The following ABCC9 variants were observed in gnomAD, a reference collection of about 807,000 sequenced individuals.
The protein encoded by ABCC9 is ATP binding cassette subfamily C member 9, also known as ATP-binding cassette sub-family C member 9.
In ABCC9, 95 loss-of-function variants were observed where a neutral mutation model predicts 188.3. That is an observed-to-expected ratio of 0.50 (90% CI 0.43 to 0.60). ABCC9 has a LOEUF of 0.60. ABCC9 is among the 20% of genes least tolerant of loss of function. The pLI, the probability that ABCC9 is intolerant of heterozygous loss-of-function variation, is 0.00. For missense variants in ABCC9, 1,102 were observed against 1,876.3 expected, an observed-to-expected ratio of 0.59 and a Z score of 7.62; for synonymous variants, 659 against 652.7, an observed-to-expected ratio of 1.01 and a Z score of -0.15.
intron 15 of ABCC9, among the ~76,000 whole-genome samples, chr12:21,887,563 G>A (rs1946941924): frequency 6.6e-6 from 1 of 152,040 alleles, no homozygotes; most frequent in South Asian, 2.1e-4. Flanking sequence ...TATACATTTG[G>A]AGTAAGCAAA....
intron 21 of ABCC9, among the ~76,000 whole-genome samples, chr12:21,860,770 C>T (rs888542524): frequency 6.6e-6 from 1 of 152,132 alleles, no homozygotes; most frequent in Non-Finnish European, 1.5e-5. Flanking sequence ...GTTAAGTATA[C>T]AGTGATTACT....
chr12:21,844,334 T>C (rs1944525465), intron 28 of ABCC9, 149 bp downstream of exon 28: 1 of 665,682 alleles, frequency 1.5e-6, no homozygotes. Context: ...CTAGATATCA[T>C]TTGCATGTAT....
intron 2 of ABCC9, among the ~76,000 whole-genome samples, chr12:21,938,625 T>C (rs1949585570): frequency 1.3e-5 from 2 of 152,302 alleles, no homozygotes; most frequent in South Asian, 4.1e-4. Flanking sequence ...TCGCACAAAC[T>C]AGAAAATGAT....
In ABCC9 at chr12:21,894,101, AAG is replaced by A; in HGVS notation, c.1731_1732del (p.Phe578ProfsTer29). 2 of 1,614,148 alleles carry A rather than the reference AAG, an allele frequency of 1.2e-6. No homozygotes were observed. The highest frequency in any genetic ancestry group is 1.3e-5 in the African/African-American group (1 of 75,056). On this transcript the variant is annotated frameshift_variant, in exon 14 of 40. Transcript: ENST00000261200. LOFTEE classifies it high-confidence loss of function. The stretch of plus-strand genomic sequence containing the variant: ...GAACAGTGGTGTGACCAGGATATGG[AAG>A]AGAGACAGTGAAGCAAAGGCCTCTG...
chr12:21,870,437 T>C (rs1361735202), intron 18 of ABCC9, among the ~76,000 whole-genome samples: 8 of 152,108 alleles, frequency 5.3e-5, no homozygotes, highest in Admixed American at 2.6e-4. Flanking sequence ...TTAAATTTTT[T>C]TGTACAGATA....
intron 5 of ABCC9, 128 bp downstream of exon 5, chr12:21,925,814 G>A: frequency 9.7e-7 from 1 of 1,028,604 alleles, no homozygotes; most frequent in Non-Finnish European, 1.4e-6. Flanking sequence ...ATTAATCACT[G>A]GTTTTCCCAT....
At chr12:21,927,759 C>A (rs944321207) in intron 4 of ABCC9, among the ~76,000 whole-genome samples, 8 of 152,102 alleles carry the variant, frequency 5.3e-5, no homozygotes, top group African/African-American at 1.9e-4. Flanking sequence ...AATTTGGAAT[C>A]ATTAATATAG....
At chr12:21,940,949 T>C (rs1949661604) in intron 1 of ABCC9, 124 bp from the exon 2 acceptor site, 1 of 152,204 alleles carries the variant, frequency 6.6e-6, no homozygotes, top group African/African-American at 2.4e-5. Context: ...TTTCACTGTT[T>C]CCAGTTGATT....
rs149267479 is a variant in ABCC9, at chr12:21,840,318, G to A, written c.3473+1996C>T. Among the ~76,000 whole-genome samples, 36 of 152,248 alleles carry A rather than the reference G, an allele frequency of 2.4e-4. No individual in the cohort carries two copies. The East Asian group carries it at 6.8e-3, about 29-fold the overall frequency. On this transcript the variant is annotated intron_variant, in intron 29 of 39. Transcript: ENST00000261200. ...CATCTAGAAGGATCCTTGTTTGTGA[G>A]GTTTAATATCATATGGTTATATTTG...
intron 29 of ABCC9, among the ~76,000 whole-genome samples, chr12:21,840,544 G>T (rs704178): frequency 6.6e-5 from 10 of 152,068 alleles, no homozygotes; most frequent in East Asian, 1.9e-4. Flanking sequence ...GGCAATAATA[G>T]GACCAAATGA....
Position 21,824,341 on chromosome 12 carries a change from C to T in ABCC9, c.3669+4617G>A, listed in dbSNP as rs372772977. 6.6e-5 allele frequency among the ~76,000 whole-genome samples: 10 copies of T among 152,080 alleles called. 1 individual carries two copies. Among genetic ancestry groups the T allele is most frequent in the African/African-American group, 1.9e-4 (8 of 41,476 alleles). ...CAGCTTTGCATCCCAGGGATGATGC[C>T]GACTTGATCGTGGTGGATAAGCTTT... On this transcript the variant is annotated intron_variant, in intron 31 of 39. Transcript: ENST00000261200.
At chr12:21,848,343 A>G (rs755574526) in intron 24 of ABCC9, 97 bp from the exon 25 acceptor site, 26 of 1,078,552 alleles carry the variant, frequency 2.4e-5, no homozygotes, top group Non-Finnish European at 3.5e-5. Context: ...AGTTACCTTT[A>G]CCAATCTCAA....
chr12:21,915,373 T>C lies in ABCC9; in HGVS notation c.816+295A>G, dbSNP rs1184224637. Among the ~76,000 whole-genome samples, 10 of 140,870 alleles carry C rather than the reference T, an allele frequency of 7.1e-5. 1 individual carries two copies. The South Asian group carries it at 2.2e-3, about 32-fold the overall frequency. 92.4% of individuals were successfully genotyped at this position (140,870 alleles called of 152,430 possible). A position where few individuals can be genotyped will look rare whatever the true frequency, so the allele number is the denominator to read the frequency against. ...TGTATATATAATGTGTATATATGTG[T>C]GTATATATAGACATGTGTATATATG... On this transcript the variant is annotated intron_variant, in intron 7 of 39. Coordinates refer to ENST00000261200, the MANE Select transcript of ABCC9 (RefSeq NM_020297.4).
chr12:21,893,918 T>C, intron 14 of ABCC9, 114 bp downstream of exon 14: 1 of 1,045,722 alleles, frequency 9.6e-7, no homozygotes, highest in South Asian at 1.6e-5. Flanking sequence ...TTAACAATGG[T>C]TGTCTCCTGG....
At chr12:21,915,370 GTGTGTATATATAGACA>G (rs1259397580) in intron 7 of ABCC9, among the ~76,000 whole-genome samples, 1 of 138,544 alleles carries the variant, frequency 7.2e-6, no homozygotes, top group Non-Finnish European at 1.6e-5. Context: ...GTGTATATAT[GTGTGTATATATAGACA>G]TGTGTATATA....
intron 22 of ABCC9, among the ~76,000 whole-genome samples, chr12:21,857,247 G>A (rs112974380): frequency 0.014 from 2,125 of 152,148 alleles, 67 homozygotes; most frequent in African/African-American, 0.049. Flanking sequence ...ATACATCAGG[G>A]ATTAAGAAAA....
At position 21,807,406 on chromosome 12, in the gene ABCC9, A is replaced by G. The variant is rs530506599; in HGVS notation, c.4389T>C (p.Phe1463=). The change falls in exon 38 of 40, where the codon TTT becomes TTC. Residue 1463 remains phenylalanine (F), a synonymous_variant. Coordinates refer to ENST00000261200, the MANE Select transcript of ABCC9 (RefSeq NM_020297.4). ...QRQLFCLARA[F]VRKSSILIMD... ...TAATAAGAATGCTGCTTTTGCGGAC[A>G]AAGGCCCTGGCAAGGCAAAATAGCT... The G allele has an allele frequency of 3.5e-5, 57 of 1,614,040 alleles. No individual in the cohort carries two copies. The East Asian group carries it at 7.8e-4, about 22-fold the overall frequency.
At chr12:21,883,264 A>G (rs1244961425) in intron 15 of ABCC9, among the ~76,000 whole-genome samples, 2 of 152,192 alleles carry the variant, frequency 1.3e-5, no homozygotes, top group Non-Finnish European at 2.9e-5. Context: ...TTAGGCTATG[A>G]TATGGTTTGG....
intron 5 of ABCC9, among the ~76,000 whole-genome samples, chr12:21,922,669 T>C (rs957798355): frequency 1.3e-5 from 2 of 151,232 alleles, no homozygotes; most frequent in African/African-American, 4.8e-5. Flanking sequence ...AACCCAATAG[T>C]GTGAAGATGC....
Sources: gnomAD v4.1 joint callset for allele counts (sites outside exome capture counted in the v4.1 genomes callset) on GRCh38, gnomAD v4.1.1 for gene constraint, MANE v1.5 for transcripts, NCBI Gene and HGNC (gene_info 2026-07-23, HGNC 2026-07-21) for gene names.